Variants in PDE9A observed in about 807,000 individuals in gnomAD.
PDE9A encodes the protein high affinity cGMP-specific 3',5'-cyclic phosphodiesterase 9A.
In PDE9A, 60 loss-of-function variants were observed where a neutral mutation model predicts 87.4. The ratio of observed to expected loss-of-function variants is 0.69; its 90% CI spans 0.56 to 0.85. PDE9A has a LOEUF of 0.85. PDE9A is among the 40% of genes least tolerant of loss of function. PDE9A has a pLI of 0.00. For synonymous variants in PDE9A, 272 were observed against 279.4 expected, an observed-to-expected ratio of 0.97 and a Z score of 0.27; for missense variants, 665 against 779.0, an observed-to-expected ratio of 0.85 and a Z score of 1.74.
chr21:42,681,896 G>A (rs1397173909), intron 1 of PDE9A, among the ~76,000 whole-genome samples: 1 of 152,118 alleles, frequency 6.6e-6, no homozygotes, highest in Non-Finnish European at 1.5e-5. Context: ...TTCAGCATGT[G>A]GTCAGGAAGC....
Position 42,760,285 on chromosome 21 carries a change from CG to C in PDE9A, c.898-40del. ...GGGTGGCTTTGGGAGGAGAGGTGGG[CG>C]GGCCCAGGCACAGGGTGACTCGGAC... On this transcript the variant is annotated intron_variant, in intron 11 of 19. Coordinates refer to ENST00000291539, the MANE Select transcript of PDE9A (RefSeq NM_002606.3). The surrounding 1 kb of genome is among the most constrained non-coding windows in gnomAD (Gnocchi z 5.2). 1 of 1,192,280 alleles carries C rather than the reference CG, an allele frequency of 8.4e-7. No homozygotes were observed. 73.9% of individuals were successfully genotyped at this position (1,192,280 alleles called of 1,614,324 possible). A position where few individuals can be genotyped will look rare whatever the true frequency, so the allele number is the denominator to read the frequency against.
rs942161158 is a variant in PDE9A, at chr21:42,717,598, G to C, written c.263-14172G>C. ...GTAGAGACGAGGTTTCACCATGTTG[G>C]CCAGGTTGGTCTCGAACTCCTGACC... On this transcript the variant is annotated intron_variant, in intron 4 of 19. Coordinates refer to ENST00000291539, the MANE Select transcript of PDE9A (RefSeq NM_002606.3). Among the ~76,000 whole-genome samples, 13 of 151,108 alleles carry C rather than the reference G, an allele frequency of 8.6e-5. 1 individual carries two copies. The highest frequency in any genetic ancestry group is 1.5e-4 in the Non-Finnish European group (10 of 67,696).
In PDE9A at chr21:42,764,983, G is replaced by GTGGATGGATGGA. The variant is rs780841485; in HGVS notation, c.1243-370_1243-359dup. ...CTGTAAATGCTTGTGGGGTGGGTGG[G>GTGGATGGATGGA]TGGATGGATGGATGGATGGATGGAT... On this transcript the variant is annotated intron_variant, in intron 14 of 19. Coordinates refer to ENST00000291539, the MANE Select transcript of PDE9A (RefSeq NM_002606.3). Among the ~76,000 whole-genome samples, 1,154 of 118,406 alleles carry GTGGATGGATGGA rather than the reference G, an allele frequency of 9.7e-3. 7 individuals carry two copies. The highest frequency in any genetic ancestry group is 0.014 in the Non-Finnish European group (800 of 59,198). 77.7% of individuals were successfully genotyped at this position (118,406 alleles called of 152,430 possible).
intron 1 of PDE9A, among the ~76,000 whole-genome samples, chr21:42,655,915 G>C (rs567301328): frequency 6.6e-5 from 10 of 151,656 alleles, no homozygotes; most frequent in African/African-American, 2.2e-4. Flanking sequence ...TAGCTGGACT[G>C]TGAGTCCTGG....
At chr21:42,736,079 T>C (rs2052384245) in intron 7 of PDE9A, among the ~76,000 whole-genome samples, 1 of 151,760 alleles carries the variant, frequency 6.6e-6, no homozygotes, top group South Asian at 2.1e-4. Flanking sequence ...GCCTCCCACC[T>C]CTCCTCCTCT....
chr21:42,770,672 G>A (rs766523816), intron 17 of PDE9A, 31 bp from the exon 18 acceptor site: 3 of 1,545,058 alleles, frequency 1.9e-6, no homozygotes, highest in African/African-American at 2.7e-5. Context: ...AAGAACGAGG[G>A]ACTCTGAATA....
intron 4 of PDE9A, among the ~76,000 whole-genome samples, chr21:42,719,654 A>T (rs920343041): frequency 7.5e-5 from 11 of 146,974 alleles, no homozygotes; most frequent in Admixed American, 2.7e-4. Context: ...AAAAAAAAAA[A>T]AAAAAAAGAA....
chr21:42,711,526 C>A (rs147800816), intron 4 of PDE9A, among the ~76,000 whole-genome samples: 139 of 152,194 alleles, frequency 9.1e-4, no homozygotes, highest in Non-Finnish European at 1.6e-3. Context: ...GCTGAGCCAC[C>A]GCACCAGGCC....
chr21:42,712,789 G>A (rs906798762), intron 4 of PDE9A, among the ~76,000 whole-genome samples: 6 of 152,166 alleles, frequency 3.9e-5, no homozygotes, highest in Non-Finnish European at 8.8e-5. Context: ...GGTGGGTTGA[G>A]GAGGTGTCCT....
At position 42,687,953 on chromosome 21, in the gene PDE9A, C is replaced by T; in HGVS notation, c.177C>T (p.Ala59=). ...TCTCCCTGCTGACCACCGACGACGC[C>T]ATGGTCTCCATCGACCCCACCATGC... is the stretch of plus-strand genomic sequence containing the variant. ...TTISLLTTDD[A]MVSIDPTMPA... is the part of the protein sequence containing the mutation. The change falls in exon 3 of 20, where the codon GCC becomes GCT. Residue 59 remains alanine, a synonymous_variant. Transcript: ENST00000291539. 2 of 1,613,232 alleles carry T rather than the reference C, an allele frequency of 1.2e-6. No homozygotes were observed. The highest frequency in any genetic ancestry group is 2.2e-5 in the South Asian group (2 of 91,080).
chr21:42,682,174 G>A (rs927371811), intron 1 of PDE9A, among the ~76,000 whole-genome samples: 8 of 152,364 alleles, frequency 5.3e-5, no homozygotes, highest in Non-Finnish European at 1.2e-4. Flanking sequence ...CATTTTTACT[G>A]AACTGATGAA....
In PDE9A at chr21:42,731,980, AC is replaced by A. The variant is rs750155380; in HGVS notation, c.442+37del. The stretch of plus-strand genomic sequence containing the variant: ...GGGCAGCTCCTCGGCCACAGCCTCC[AC>A]CCCCCAACACGTGGGATTCGGGCTG... On this transcript the variant is annotated intron_variant, in intron 5 of 19. Transcript: ENST00000291539. The A allele has an allele frequency of 9.3e-6, 15 of 1,611,376 alleles. No individual in the cohort carries two copies. The South Asian group carries it at 1.5e-4, about 17-fold the overall frequency.
chr21:42,746,327 T>C (rs868576000), intron 8 of PDE9A, among the ~76,000 whole-genome samples: 1 of 152,168 alleles, frequency 6.6e-6, no homozygotes, highest in Non-Finnish European at 1.5e-5. Flanking sequence ...CTTAAAACAA[T>C]AGAAATGTAT....
At chr21:42,775,234 C>T in intron 19 of PDE9A, 46 bp from the exon 20 acceptor site, 5 of 1,607,106 alleles carry the variant, frequency 3.1e-6, no homozygotes, top group Non-Finnish European at 4.3e-6. Context: ...GCCACCGCGC[C>T]CTAATTCTAA....
At position 42,695,815 on chromosome 21, in the gene PDE9A, T is replaced by C. The variant is rs1004255297; in HGVS notation, c.219-3153T>C. ...TCCTGTGTTAATTTGTTATTGAGCA[T>C]GATGAAGATTCAGCTCCATTGAGAC... is the stretch of plus-strand genomic sequence containing the variant. On this transcript the variant is annotated intron_variant, in intron 3 of 19. Coordinates refer to ENST00000291539, the MANE Select transcript of PDE9A (RefSeq NM_002606.3). The surrounding 1 kb of genome is among the most constrained non-coding windows in gnomAD (Gnocchi z 4.3). Among the ~76,000 whole-genome samples the C allele has an allele frequency of 3.3e-5, 5 of 152,208 alleles. No individual in the cohort carries two copies. The highest frequency in any genetic ancestry group is 1.2e-4 in the African/African-American group (5 of 41,450).
Position 42,769,126 on chromosome 21 carries a change from C to G in PDE9A, c.1561C>G (p.Leu521Val). Residue 521 changes from leucine to valine, a missense_variant, in exon 17 of 20, where the codon CTG becomes GTG. By Grantham distance (32) the Leu-to-Val change is conservative. Coordinates refer to ENST00000291539, the MANE Select transcript of PDE9A (RefSeq NM_002606.3). ...CCAGATTGGGTTCATCAAGTTTGTC[C>G]TGATCCCAATGTTTGAAACAGTGAC... ...TAQIGFIKFVLIPMFETVTKL... is the reference protein window; with the variant it reads ...TAQIGFIKFVVIPMFETVTKL... The G allele has an allele frequency of 6.2e-7, 1 of 1,613,790 alleles. No homozygotes were observed. The highest frequency in any genetic ancestry group is 1.1e-5 in the South Asian group (1 of 91,068).
intron 8 of PDE9A, among the ~76,000 whole-genome samples, chr21:42,748,189 C>T (rs1317339079): frequency 6.6e-6 from 1 of 152,178 alleles, no homozygotes; most frequent in East Asian, 1.9e-4. Flanking sequence ...TTAAAAGCAG[C>T]GAAGAAATCA....
At chr21:42,732,148 A>C in intron 6 of PDE9A, 24 bp downstream of exon 6, 1 of 1,608,004 alleles carries the variant, frequency 6.2e-7, no homozygotes, top group Non-Finnish European at 8.5e-7. Context: ...TAAACTTACA[A>C]CCAGCCAGAG....
intron 7 of PDE9A, among the ~76,000 whole-genome samples, chr21:42,738,238 A>G (rs2052684427): frequency 6.6e-6 from 1 of 152,260 alleles, no homozygotes; most frequent in Non-Finnish European, 1.5e-5. Flanking sequence ...AACACAGGCC[A>G]TACAAACAGC....
Sources: allele counts gnomAD v4.1 joint callset (sites outside exome capture counted in the v4.1 genomes callset), GRCh38; gene constraint gnomAD v4.1.1; non-coding constraint Gnocchi (gnomAD v3.1); transcripts MANE v1.5; gene names NCBI Gene and HGNC (gene_info 2026-07-23, HGNC 2026-07-21).